ST8SIA1: variants seen among roughly 807,000 people sequenced by gnomAD.
ST8SIA1 encodes ST8 alpha-N-acetyl-neuraminide alpha-2,8-sialyltransferase 1.
A neutral mutation model predicts 35.9 loss-of-function variants in ST8SIA1; 16 were observed. The ratio of observed to expected loss-of-function variants is 0.45; its 90% confidence interval spans 0.30 to 0.68. ST8SIA1 has a LOEUF of 0.68. ST8SIA1 is among the 30% of genes least tolerant of loss of function. The probability of loss-of-function intolerance (pLI) is 0.09; values close to 1 mark genes in which losing one functional copy is unlikely to be tolerated. For synonymous variants in ST8SIA1, 170 were observed against 169.6 expected (o/e 1.00, Z -0.02); for missense variants, 383 against 453.6 (o/e 0.84, Z 1.41).
Position 22,200,254 on chromosome 12 carries a change from C to A in ST8SIA1, c.*1298G>T, listed in dbSNP as rs563994579. The A allele has an allele frequency of 6.6e-6, 1 of 152,228 alleles. No individual in the cohort carries two copies. The highest frequency in any genetic ancestry group is 1.9e-4 in the East Asian group (1 of 5,176). 9.4% of individuals were successfully genotyped at this position (152,228 alleles called of 1,614,324 possible). On this transcript the variant is annotated 3_prime_UTR_variant, in exon 5 of 5. Transcript: ENST00000396037. ...CTGCTATGGGTATTATGTGCGGCAA[C>A]CAGTGAGCTCGGTTGTCTTATATCA...
At chr12:22,313,852 C>A (rs759276926) in intron 1 of ST8SIA1, among the ~76,000 whole-genome samples, 1 of 152,160 alleles carries the variant, frequency 6.6e-6, no homozygotes, top group Non-Finnish European at 1.5e-5. Flanking sequence ...CAGATATGTT[C>A]AACTTATGCC....
At chr12:22,236,086 G>C (rs1279993282) in intron 4 of ST8SIA1, among the ~76,000 whole-genome samples, 1 of 152,204 alleles carries the variant, frequency 6.6e-6, no homozygotes, top group East Asian at 1.9e-4. Context: ...TTTGTTTCTA[G>C]CCAACATGCC....
Position 22,287,240 on chromosome 12 carries a change from A to G in ST8SIA1, c.290T>C (p.Met97Thr). 4 of 1,614,168 alleles carry G rather than the reference A, an allele frequency of 2.5e-6. No individual in the cohort carries two copies. Among genetic ancestry groups the G allele is most frequent in the Non-Finnish European group, 2.5e-6 (3 of 1,179,998 alleles). Reference protein sequence around the residue: ...DPAHLFAMTKMNSPMGKSMWY... With the variant: ...DPAHLFAMTKTNSPMGKSMWY... ...CATGCTCTTCCCCATAGGGGAATTC[A>G]TTTTAGTCATAGCAAAGAGATGGGC... Residue 97 changes from methionine to threonine, a missense_variant, in exon 2 of 5, where the codon ATG becomes ACG. Physicochemically the swap from Met to Thr is moderately conservative, Grantham distance 81 (BLOSUM62 -1). Transcript: ENST00000396037.
intron 4 of ST8SIA1, among the ~76,000 whole-genome samples, chr12:22,212,674 A>G (rs1419518150): frequency 6.6e-6 from 1 of 152,218 alleles, no homozygotes; most frequent in East Asian, 1.9e-4. Context: ...GCCCTTGCTC[A>G]TGCCTGAGCA....
chr12:22,240,630 T>A (rs778785198), intron 4 of ST8SIA1, among the ~76,000 whole-genome samples: 6 of 152,156 alleles, frequency 3.9e-5, no homozygotes, highest in Non-Finnish European at 8.8e-5. Context: ...TTGTACACAA[T>A]TTTAAAGATA....
intron 4 of ST8SIA1, among the ~76,000 whole-genome samples, chr12:22,219,701 T>C (rs1865275620): frequency 6.6e-6 from 1 of 152,140 alleles, no homozygotes; most frequent in Admixed American, 6.6e-5. Context: ...GAGAGTGTAT[T>C]TGCTAGTTCT....
At chr12:22,324,540 T>G (rs1247627549) in intron 1 of ST8SIA1, 2 of 152,194 alleles carry the variant, frequency 1.3e-5, no homozygotes, top group Non-Finnish European at 2.9e-5. Flanking sequence ...AGAAAAATAT[T>G]TGCAATGTAC....
intron 2 of ST8SIA1, among the ~76,000 whole-genome samples, chr12:22,271,502 T>C (rs1865911559): frequency 1.3e-5 from 2 of 152,214 alleles, no homozygotes; most frequent in Non-Finnish European, 2.9e-5. Context: ...CAATGTACTT[T>C]GTGATGGGTA....
intron 4 of ST8SIA1, among the ~76,000 whole-genome samples, chr12:22,246,664 T>TC (rs1865607409): frequency 6.6e-6 from 1 of 151,998 alleles, no homozygotes; most frequent in African/African-American, 2.4e-5. Context: ...GTTTTTTTTT[T>TC]CTCTCAGAGA....
intron 1 of ST8SIA1, among the ~76,000 whole-genome samples, chr12:22,332,693 C>T (rs564779736): frequency 1.3e-5 from 2 of 152,282 alleles, no homozygotes; most frequent in African/African-American, 2.4e-5. Context: ...CAGTTGCCTT[C>T]CTCTAAACAA....
At position 22,315,985 on chromosome 12, in the gene ST8SIA1, A is replaced by T. The variant is rs184976640; in HGVS notation, c.236+18012T>A. Reference sequence around the variant, plus strand: ...GTACATGTAGCCCAGAACTTAAAATAAAATTAAATTAAATATTTAAAAAAG... The same window carrying T: ...GTACATGTAGCCCAGAACTTAAAATTAAATTAAATTAAATATTTAAAAAAG... On this transcript the variant is annotated intron_variant, in intron 1 of 4. Coordinates refer to ENST00000396037, the MANE Select transcript of ST8SIA1 (RefSeq NM_003034.4). Among the ~76,000 whole-genome samples, 545 of 152,252 alleles carry T rather than the reference A, an allele frequency of 3.6e-3. 1 individual carries two copies. The highest frequency in any genetic ancestry group is 0.01 in the Middle Eastern group (3 of 294).
At chr12:22,222,977 A>G (rs1865316641) in intron 4 of ST8SIA1, among the ~76,000 whole-genome samples, 1 of 152,156 alleles carries the variant, frequency 6.6e-6, no homozygotes, top group Admixed American at 6.5e-5. Context: ...CCTTTTTGGG[A>G]TCTCTTCAAA....
intron 1 of ST8SIA1, among the ~76,000 whole-genome samples, chr12:22,307,055 C>G (rs918100): frequency 1 from 151,885 of 152,208 alleles, 75,782 homozygotes; most frequent in Middle Eastern, 1. Context: ...ATCATTTGTT[C>G]TGTATTCTTC....
chr12:22,331,090 G>A (rs1866757660), intron 1 of ST8SIA1, among the ~76,000 whole-genome samples: 2 of 152,130 alleles, frequency 1.3e-5, no homozygotes, highest in African/African-American at 2.4e-5. Flanking sequence ...TGAGAATTCA[G>A]TACATATCAA....
intron 4 of ST8SIA1, among the ~76,000 whole-genome samples, chr12:22,228,501 C>G (rs1865382154): frequency 6.6e-6 from 1 of 152,218 alleles, no homozygotes; most frequent in South Asian, 2.1e-4. Context: ...ATGGCACATA[C>G]TAACCCAGAT....
At chr12:22,261,540 T>A (rs1024020548) in intron 2 of ST8SIA1, among the ~76,000 whole-genome samples, 3 of 152,226 alleles carry the variant, frequency 2.0e-5, no homozygotes, top group Admixed American at 1.3e-4. Flanking sequence ...ATATCTGGAC[T>A]AAGTACAGAT....
At position 22,196,116 on chromosome 12, in the gene ST8SIA1, C is replaced by T. The variant is rs762203696; in HGVS notation, c.*5436G>A. On this transcript the variant is annotated 3_prime_UTR_variant, in exon 5 of 5. Transcript: ENST00000396037. ...GATCAATAGAAACACAGAGGAGTGA[C>T]CATAAAATATAATTCCTCTTCTGTG... The T allele has an allele frequency of 5.3e-5, 8 of 152,110 alleles. No homozygotes were observed. Among genetic ancestry groups the T allele is most frequent in the Non-Finnish European group, 1.2e-4 (8 of 68,022 alleles). 9.4% of individuals were successfully genotyped at this position (152,110 alleles called of 1,614,324 possible).
intron 2 of ST8SIA1, among the ~76,000 whole-genome samples, chr12:22,286,182 T>G (rs1866099299): frequency 6.6e-6 from 1 of 152,154 alleles, no homozygotes; most frequent in African/African-American, 2.4e-5. Context: ...TTTCAAAAAT[T>G]AAAAGAAAAA....
intron 4 of ST8SIA1, among the ~76,000 whole-genome samples, chr12:22,229,288 A>G (rs1414802683): frequency 6.6e-6 from 1 of 152,088 alleles, no homozygotes; most frequent in African/African-American, 2.4e-5. Flanking sequence ...TTTGTAGATT[A>G]ATAGATAGGG....
Sources: gnomAD v4.1 joint callset for allele counts (sites outside exome capture counted in the v4.1 genomes callset) on GRCh38, gnomAD v4.1.1 for gene constraint, MANE v1.5 for transcripts, NCBI Gene and HGNC (gene_info 2026-07-23, HGNC 2026-07-21) for gene names.